The following BABAM2 variants were observed in gnomAD, a reference collection of about 807,000 sequenced individuals.
BABAM2 encodes BRISC and BRCA1-A complex member 2.
Under a neutral mutation model 54.7 loss-of-function variants are expected in BABAM2, and 31 were observed. The ratio of observed to expected loss-of-function variants is 0.57; its 90% CI spans 0.43 to 0.77. The LOEUF is 0.77. Ranked by LOEUF, BABAM2 falls within the 30% of genes least tolerant of loss-of-function variation. The pLI is 0.00. For missense variants in BABAM2, 364 were observed against 455.8 expected, an observed-to-expected ratio of 0.80 and a Z score of 1.83; for synonymous variants, 167 against 162.9, an observed-to-expected ratio of 1.03 and a Z score of -0.19.
chr2:28,052,167 G>A (rs901272580), intron 6 of BABAM2, among the ~76,000 whole-genome samples: 13 of 152,102 alleles, frequency 8.5e-5, no homozygotes, highest in Admixed American at 3.3e-4. Flanking sequence ...CTGACAAAAT[G>A]AATTTTGGAA....
At position 28,008,312 on chromosome 2, in the gene BABAM2, A is replaced by G. The variant is rs1256571150; in HGVS notation, c.301-16914A>G. Among the ~76,000 whole-genome samples the G allele has an allele frequency of 3.3e-5, 5 of 152,274 alleles. No individual in the cohort carries two copies. The East Asian group carries it at 5.8e-4, about 18-fold the overall frequency. On this transcript the variant is annotated intron_variant, in intron 4 of 11. Coordinates refer to ENST00000379624, the MANE Select transcript of BABAM2 (RefSeq NM_199191.3). ...TGCATCTACCATAAATGAAGAGACC[A>G]TGGGAAGAAATAAACAGTCTTTTTA...
At chr2:27,980,003 G>A (rs1191905962) in intron 3 of BABAM2, among the ~76,000 whole-genome samples, 2 of 152,084 alleles carry the variant, frequency 1.3e-5, no homozygotes, top group African/African-American at 2.4e-5. Flanking sequence ...ACATTTCTGT[G>A]ATTTCATGTA....
intron 10 of BABAM2, among the ~76,000 whole-genome samples, chr2:28,293,285 G>T (rs1341793854): frequency 1.3e-5 from 2 of 152,126 alleles, no homozygotes; most frequent in East Asian, 3.9e-4. Flanking sequence ...CATTGTTGAG[G>T]TGTTTGGAGA....
chr2:27,929,958 T>C, intron 3 of BABAM2, 50 bp downstream of exon 3: 1 of 1,525,196 alleles, frequency 6.6e-7, no homozygotes, highest in Non-Finnish European at 9.1e-7. Context: ...CAGTGTCAGC[T>C]ATTGGACTTT....
intron 6 of BABAM2, among the ~76,000 whole-genome samples, chr2:28,120,615 G>C (rs1340619648): frequency 6.6e-6 from 1 of 152,240 alleles, no homozygotes; most frequent in African/African-American, 2.4e-5. Context: ...ACAGCTGGAA[G>C]CTAGTGACTA....
At chr2:28,083,031 A>G (rs988035044) in intron 6 of BABAM2, among the ~76,000 whole-genome samples, 1 of 152,034 alleles carries the variant, frequency 6.6e-6, no homozygotes, top group Non-Finnish European at 1.5e-5. Context: ...ATCCTCCCCA[A>G]TTCTGGCACG....
intron 3 of BABAM2, among the ~76,000 whole-genome samples, chr2:27,977,482 G>A (rs865922852): frequency 1.6e-4 from 24 of 152,312 alleles, no homozygotes; most frequent in South Asian, 6.2e-4. Flanking sequence ...AGAGGGATAT[G>A]TAGCTTAGCA....
At chr2:28,078,592 T>C (rs1251762987) in intron 6 of BABAM2, among the ~76,000 whole-genome samples, 1 of 152,146 alleles carries the variant, frequency 6.6e-6, no homozygotes, top group Non-Finnish European at 1.5e-5. Context: ...TGGCAGGTCT[T>C]GGAACATGTT....
chr2:28,294,608 T>G (rs1687538012), intron 10 of BABAM2, among the ~76,000 whole-genome samples: 1 of 152,200 alleles, frequency 6.6e-6, no homozygotes, highest in Admixed American at 6.5e-5. Flanking sequence ...GTTTTAATTT[T>G]TTTAATCTTG....
intron 7 of BABAM2, among the ~76,000 whole-genome samples, chr2:28,198,773 T>C (rs1290001540): frequency 6.6e-6 from 1 of 152,144 alleles, no homozygotes; most frequent in Non-Finnish European, 1.5e-5. Context: ...CCCACTGTGG[T>C]ATCAACAGTC....
chr2:28,317,099 AC>A (rs951075819), intron 11 of BABAM2, among the ~76,000 whole-genome samples: 5 of 151,896 alleles, frequency 3.3e-5, no homozygotes, highest in Admixed American at 1.3e-4. Context: ...TTATGCTTTG[AC>A]CCTCCTCTCC....
intron 10 of BABAM2, among the ~76,000 whole-genome samples, chr2:28,283,363 A>T (rs1686542186): frequency 6.6e-6 from 1 of 152,176 alleles, no homozygotes; most frequent in Non-Finnish European, 1.5e-5. Flanking sequence ...AGACTCAGAG[A>T]TTTTTAAGTA....
At chr2:28,013,730 C>CACACACACGT (rs1553411799) in intron 4 of BABAM2, among the ~76,000 whole-genome samples, 1 of 136,894 alleles carries the variant, frequency 7.3e-6, no homozygotes, top group African/African-American at 2.8e-5. Context: ...CACACACACA[C>CACACACACGT]GTGTGTGTGT....
intron 11 of BABAM2, among the ~76,000 whole-genome samples, chr2:28,314,918 C>T (rs1689384426): frequency 6.7e-6 from 1 of 150,220 alleles, no homozygotes; most frequent in Admixed American, 6.6e-5. Context: ...AGGAGGTATG[C>T]CGGTGTCCAC....
chr2:28,154,166 G>A (rs1028073640), intron 7 of BABAM2, among the ~76,000 whole-genome samples: 2 of 152,162 alleles, frequency 1.3e-5, no homozygotes, highest in East Asian at 3.9e-4. Context: ...AAGCTCTGGA[G>A]CCTTATAATA....
At chr2:28,019,842 CATTAGCCTATGTGCCTATTTTT>C (rs1675122111) in intron 4 of BABAM2, among the ~76,000 whole-genome samples, 2 of 152,188 alleles carry the variant, frequency 1.3e-5, no homozygotes, top group Admixed American at 1.3e-4. Flanking sequence ...TATTCTGTTC[CATTAGCCTATGTGCCTATTTTT>C]ATACCAGTAA....
At chr2:28,091,912 A>G (rs1454998186) in intron 6 of BABAM2, among the ~76,000 whole-genome samples, 1 of 152,164 alleles carries the variant, frequency 6.6e-6, no homozygotes, top group Admixed American at 6.6e-5. Flanking sequence ...GCATGTTGCT[A>G]AAATCAGCTA....
At chr2:28,286,205 C>T (rs1259402886) in intron 10 of BABAM2, among the ~76,000 whole-genome samples, 12 of 151,992 alleles carry the variant, frequency 7.9e-5, no homozygotes, top group East Asian at 1.9e-4. Context: ...CCACCCATCT[C>T]GGCCTCCCAA....
chr2:27,935,144 G>A (rs951037980), intron 3 of BABAM2, among the ~76,000 whole-genome samples: 2 of 152,186 alleles, frequency 1.3e-5, no homozygotes, highest in African/African-American at 4.8e-5. Context: ...TAGGGACAAA[G>A]GCAGCTAGTG....
Sources: gnomAD v4.1 joint callset for allele counts (sites outside exome capture counted in the v4.1 genomes callset) on GRCh38, gnomAD v4.1.1 for gene constraint, MANE v1.5 for transcripts, NCBI Gene and HGNC (gene_info 2026-07-23, HGNC 2026-07-21) for gene names.